HS3ST5: variants seen among roughly 807,000 people sequenced by gnomAD.
HS3ST5 encodes heparan sulfate-glucosamine 3-sulfotransferase 5, also known as heparan sulfate glucosamine 3-O-sulfotransferase 5.
In HS3ST5, 10 loss-of-function variants were observed where a neutral mutation model predicts 25.4. That is an observed-to-expected ratio of 0.39 (90% CI 0.24 to 0.67). HS3ST5 has a LOEUF of 0.67. Ranked by LOEUF, HS3ST5 falls within the 30% of genes least tolerant of loss-of-function variation. The pLI, the probability that HS3ST5 is intolerant of heterozygous loss-of-function variation, is 0.44. For missense variants in HS3ST5, 324 were observed against 420.7 expected (o/e 0.77, Z 2.01); for synonymous variants, 170 against 162.4 (o/e 1.05, Z -0.36).
At chr6:114,232,908 A>C (rs1224920421) in intron 1 of HS3ST5, among the ~76,000 whole-genome samples, 6 of 152,160 alleles carry the variant, frequency 3.9e-5, no homozygotes, top group Non-Finnish European at 8.8e-5. Context: ...TCTTTTAAAA[A>C]AACACAATTA....
At chr6:114,173,249 T>C (rs1472119509) in intron 2 of HS3ST5, among the ~76,000 whole-genome samples, 3 of 152,232 alleles carry the variant, frequency 2.0e-5, no homozygotes, top group African/African-American at 7.2e-5. Flanking sequence ...ACTCTTTTAA[T>C]GTAATGCTAC....
chr6:114,248,055 CCAGGCATGGTGGTGCATGCCTGT>C (rs1198419720), intron 1 of HS3ST5, among the ~76,000 whole-genome samples: 1 of 151,166 alleles, frequency 6.6e-6, no homozygotes, highest in East Asian at 1.9e-4. Context: ...CAAAAATTAG[CCAGGCATGGTGGTGCATGCCTGT>C]AAGTCCCTGC....
At chr6:114,319,262 C>CA (rs1333168951) in intron 1 of HS3ST5, among the ~76,000 whole-genome samples, 1 of 152,252 alleles carries the variant, frequency 6.6e-6, no homozygotes, top group African/African-American at 2.4e-5. Context: ...CACCATTACA[C>CA]AACTTTATGA....
intron 2 of HS3ST5, among the ~76,000 whole-genome samples, chr6:114,208,749 T>G (rs2114418157): frequency 6.6e-6 from 1 of 152,308 alleles, no homozygotes; most frequent in Middle Eastern, 3.4e-3. Flanking sequence ...AGTCTTTTGA[T>G]GTCTCTAAGC....
intron 1 of HS3ST5, among the ~76,000 whole-genome samples, chr6:114,236,770 T>C (rs547079486): frequency 6.6e-6 from 1 of 152,318 alleles, no homozygotes; most frequent in Non-Finnish European, 1.5e-5. Flanking sequence ...GATACACTTT[T>C]CCATCTCTCC....
At chr6:114,272,108 G>A (rs1773660438) in intron 1 of HS3ST5, among the ~76,000 whole-genome samples, 1 of 152,024 alleles carries the variant, frequency 6.6e-6, no homozygotes, top group Non-Finnish European at 1.5e-5. Flanking sequence ...AAGTCTGTCT[G>A]CTAAATCCTA....
At chr6:114,273,927 A>G (rs1350143879) in intron 1 of HS3ST5, among the ~76,000 whole-genome samples, 2 of 152,018 alleles carry the variant, frequency 1.3e-5, no homozygotes, top group East Asian at 3.9e-4. Flanking sequence ...AGCTGAAGGG[A>G]GAAGTAGGGC....
At position 114,252,499 on chromosome 6, in the gene HS3ST5, A is replaced by T. The variant is rs187775346; in HGVS notation, c.-338-23721T>A. 1.5e-3 allele frequency among the ~76,000 whole-genome samples: 236 copies of T among 152,308 alleles called. 1 individual carries two copies. The highest frequency in any genetic ancestry group is 2.2e-3 in the Non-Finnish European group (149 of 68,032). On this transcript the variant is annotated intron_variant, in intron 1 of 4. Transcript: ENST00000312719. ...ACATCTGTGGAGGGGGAATGAGCAA[A>T]AGTTCTAGATGGTTGCAAGAGAAAC...
intron 2 of HS3ST5, among the ~76,000 whole-genome samples, chr6:114,187,422 A>G (rs1328228794): frequency 1.3e-5 from 2 of 152,208 alleles, no homozygotes; most frequent in Non-Finnish European, 2.9e-5. Context: ...GGGGTTCAAG[A>G]CTTCAGCAGA....
At chr6:114,077,842 T>C (rs1181619107) in intron 3 of HS3ST5, among the ~76,000 whole-genome samples, 1 of 152,250 alleles carries the variant, frequency 6.6e-6, no homozygotes, top group African/African-American at 2.4e-5. Flanking sequence ...ATGCCATAGA[T>C]ACATTAAAAG....
At chr6:114,275,068 C>A (rs1341578514) in intron 1 of HS3ST5, among the ~76,000 whole-genome samples, 1 of 151,938 alleles carries the variant, frequency 6.6e-6, no homozygotes, top group African/African-American at 2.4e-5. Context: ...GAGGCCTTCC[C>A]TGACTTCCCT....
At chr6:114,216,116 G>GA (rs1449335415) in intron 2 of HS3ST5, among the ~76,000 whole-genome samples, 8 of 152,200 alleles carry the variant, frequency 5.3e-5, no homozygotes, top group Non-Finnish European at 7.4e-5. Context: ...CCACAAAGAG[G>GA]AAACATGCCT....
At chr6:114,227,645 G>A (rs571396860) in intron 2 of HS3ST5, among the ~76,000 whole-genome samples, 111 of 152,128 alleles carry the variant, frequency 7.3e-4, no homozygotes, top group African/African-American at 2.6e-3. Context: ...AAGAAAAAAA[G>A]TAATGGAAAG....
chr6:114,334,139 G>T (rs1273057524), intron 1 of HS3ST5, among the ~76,000 whole-genome samples: 2 of 152,186 alleles, frequency 1.3e-5, no homozygotes, highest in Admixed American at 1.3e-4. Context: ...GGGATGAAAA[G>T]AATACAATCC....
At chr6:114,205,741 T>G (rs967612386) in intron 2 of HS3ST5, among the ~76,000 whole-genome samples, 3 of 152,128 alleles carry the variant, frequency 2.0e-5, no homozygotes, top group African/African-American at 2.4e-5. Flanking sequence ...GGGATGGTTT[T>G]GGGATGAAAC....
chr6:114,201,568 A>T (rs1781016398), intron 2 of HS3ST5, among the ~76,000 whole-genome samples: 1 of 152,084 alleles, frequency 6.6e-6, no homozygotes, highest in Non-Finnish European at 1.5e-5. Context: ...CCTTAGGGTC[A>T]CTGCTCCCTC....
At chr6:114,194,057 C>T (rs1262657137) in intron 2 of HS3ST5, among the ~76,000 whole-genome samples, 2 of 152,064 alleles carry the variant, frequency 1.3e-5, no homozygotes, top group African/African-American at 2.4e-5. Flanking sequence ...GACATGTATT[C>T]ATCAAGATAC....
intron 1 of HS3ST5, among the ~76,000 whole-genome samples, chr6:114,291,211 A>G (rs1349256839): frequency 6.6e-6 from 1 of 152,062 alleles, no homozygotes; most frequent in African/African-American, 2.4e-5. Flanking sequence ...GATTTCAGAA[A>G]TCTTTTCTTT....
chr6:114,284,683 A>G (rs759016734), intron 1 of HS3ST5, among the ~76,000 whole-genome samples: 1 of 80,536 alleles, frequency 1.2e-5, no homozygotes, highest in Non-Finnish European at 2.9e-5. Context: ...GGCATAAAGT[A>G]AAATTACAAC....
Sources: gnomAD v4.1 joint callset for allele counts (sites outside exome capture counted in the v4.1 genomes callset) on GRCh38, gnomAD v4.1.1 for gene constraint, MANE v1.5 for transcripts, NCBI Gene and HGNC (gene_info 2026-07-23, HGNC 2026-07-21) for gene names.